The following ADAMTSL1 variants were observed in gnomAD, a reference collection of about 807,000 sequenced individuals.
The protein encoded by ADAMTSL1 is ADAMTS-like protein 1.
Under a neutral mutation model 201.8 loss-of-function variants are expected in ADAMTSL1, and 126 were observed. The ratio of observed to expected loss-of-function variants is 0.62; its 90% CI spans 0.54 to 0.72. The LOEUF (loss-of-function observed/expected upper bound fraction) is 0.72. ADAMTSL1 is among the 30% of genes least tolerant of loss of function. ADAMTSL1 has a pLI of 0.00. For missense variants in ADAMTSL1, 2,679 were observed against 2,277.8 expected (o/e 1.18, Z -3.59); for synonymous variants, 1,121 against 903.4 (o/e 1.24, Z -4.32).
chr9:18,400,267 A>G (rs1817936087), intron 2 of ADAMTSL1, among the ~76,000 whole-genome samples: 1 of 151,998 alleles, frequency 6.6e-6, no homozygotes, highest in African/African-American at 2.4e-5. Flanking sequence ...TACTCTGATC[A>G]CCCTATCATA....
intron 4 of ADAMTSL1, among the ~76,000 whole-genome samples, chr9:18,596,366 T>C (rs1161921960): frequency 6.6e-6 from 1 of 152,200 alleles, no homozygotes. Flanking sequence ...CTTCTGATCT[T>C]ACTATCTGTG....
At chr9:18,365,555 G>T (rs1836729598) in intron 2 of ADAMTSL1, among the ~76,000 whole-genome samples, 1 of 152,104 alleles carries the variant, frequency 6.6e-6, no homozygotes, top group African/African-American at 2.4e-5. Context: ...TGGATATATG[G>T]CAATTCCACA....
intron 1 of ADAMTSL1, among the ~76,000 whole-genome samples, chr9:18,061,211 A>G (rs1463497879): frequency 6.6e-6 from 1 of 152,250 alleles, no homozygotes; most frequent in Non-Finnish European, 1.5e-5. Flanking sequence ...TTTGTGTAAC[A>G]TTAGACAGGT....
Position 18,360,722 on chromosome 9 carries a change from A to G in ADAMTSL1, c.208-144107A>G, listed in dbSNP as rs187440588. The stretch of plus-strand genomic sequence containing the variant: ...TATTGAGAAACACTGCACTTAATGA[A>G]TATGTTTTTGAAATTTTAACATCTA... On this transcript the variant is annotated intron_variant, in intron 2 of 29. Transcript: ENST00000680146. The G allele has an allele frequency of 2.0e-5, 3 of 152,274 alleles. No homozygotes were observed. The East Asian group carries it at 5.8e-4, about 29-fold the overall frequency. The allele number at this position is 152,274 out of a possible 1,614,324, so 9.4% of individuals were successfully genotyped here. A position where few individuals can be genotyped will look rare whatever the true frequency, so the allele number is the denominator to read the frequency against.
At chr9:18,794,642 G>GT (rs200452714) in intron 19 of ADAMTSL1, among the ~76,000 whole-genome samples, 2 of 148,124 alleles carry the variant, frequency 1.4e-5, no homozygotes, top group Middle Eastern at 3.5e-3. Context: ...TTTTGTTGTT[G>GT]TTGTTTTTTG....
chr9:18,302,925 T>C (rs1421183044), intron 2 of ADAMTSL1, among the ~76,000 whole-genome samples: 2 of 152,222 alleles, frequency 1.3e-5, no homozygotes, highest in Non-Finnish European at 2.9e-5. Flanking sequence ...AGATGTAAGC[T>C]AATGAGATAT....
At chr9:18,539,470 A>G (rs1055387165) in intron 3 of ADAMTSL1, among the ~76,000 whole-genome samples, 1 of 152,198 alleles carries the variant, frequency 6.6e-6, no homozygotes, top group African/African-American at 2.4e-5. Flanking sequence ...TGCCTCTTGC[A>G]CTGTGAACCT....
intron 15 of ADAMTSL1, among the ~76,000 whole-genome samples, chr9:18,725,275 C>T (rs1028410467): frequency 1.3e-5 from 2 of 152,232 alleles, no homozygotes; most frequent in African/African-American, 4.8e-5. Context: ...CAAGGACAAG[C>T]TTTAATAGAA....
chr9:17,929,315 C>G (rs911956256), intron 1 of ADAMTSL1, among the ~76,000 whole-genome samples: 2 of 152,128 alleles, frequency 1.3e-5, no homozygotes, highest in Non-Finnish European at 2.9e-5. Flanking sequence ...TTATCCTAAT[C>G]CACTCCCCCA....
At chr9:18,875,737 G>C (rs139894569) in intron 23 of ADAMTSL1, among the ~76,000 whole-genome samples, 254 of 152,234 alleles carry the variant, frequency 1.7e-3, no homozygotes, top group African/African-American at 5.8e-3. Context: ...TTGTTGGGTA[G>C]AATATTCTAC....
intron 2 of ADAMTSL1, among the ~76,000 whole-genome samples, chr9:18,301,188 C>G (rs1165171024): frequency 1.3e-5 from 2 of 152,042 alleles, no homozygotes; most frequent in Non-Finnish European, 2.9e-5. Flanking sequence ...AAAAGTATGA[C>G]ACACATTCAT....
At chr9:18,318,954 A>C (rs533844219) in intron 2 of ADAMTSL1, among the ~76,000 whole-genome samples, 8 of 152,338 alleles carry the variant, frequency 5.3e-5, no homozygotes, top group Admixed American at 1.3e-4. Flanking sequence ...CATGCCTGTA[A>C]TCCTAACACT....
At chr9:18,232,425 C>T (rs370555159) in intron 2 of ADAMTSL1, among the ~76,000 whole-genome samples, 27 of 152,120 alleles carry the variant, frequency 1.8e-4, no homozygotes, top group African/African-American at 5.8e-4. Context: ...TTCTCCTTTC[C>T]TTGCTTTATG....
At chr9:18,555,173 A>G (rs1338741361) in intron 3 of ADAMTSL1, among the ~76,000 whole-genome samples, 3 of 151,766 alleles carry the variant, frequency 2.0e-5, no homozygotes, top group Admixed American at 2.0e-4. Context: ...TTACGAGCAG[A>G]TATTCATCTT....
intron 7 of ADAMTSL1, among the ~76,000 whole-genome samples, chr9:18,657,183 GTTAT>G: frequency 6.6e-6 from 1 of 152,286 alleles, no homozygotes; most frequent in East Asian, 1.9e-4. Context: ...AATGGGAAGT[GTTAT>G]TTAATTCTTC....
chr9:18,363,719 G>A (rs1836631257), intron 2 of ADAMTSL1, among the ~76,000 whole-genome samples: 1 of 152,132 alleles, frequency 6.6e-6, no homozygotes. Flanking sequence ...TAATGCTTGA[G>A]GAAGGGGAAA....
intron 23 of ADAMTSL1, among the ~76,000 whole-genome samples, chr9:18,882,492 A>AT: frequency 6.6e-6 from 1 of 152,256 alleles, no homozygotes; most frequent in East Asian, 1.9e-4. Flanking sequence ...TGGAACGAGC[A>AT]TTTTACTCCA....
chr9:18,237,756 T>C (rs1216361052), intron 2 of ADAMTSL1, among the ~76,000 whole-genome samples: 2 of 152,258 alleles, frequency 1.3e-5, no homozygotes, highest in East Asian at 3.8e-4. Context: ...TCCCATCCCA[T>C]TTTACATAAT....
At chr9:18,474,724 T>C (rs1365050422) in intron 1 of ADAMTSL1, among the ~76,000 whole-genome samples, 7 of 152,170 alleles carry the variant, frequency 4.6e-5, no homozygotes, top group African/African-American at 2.4e-5. Context: ...AATGAATTAC[T>C]TTCCATCTAT....
Sources: allele counts gnomAD v4.1 joint callset (sites outside exome capture counted in the v4.1 genomes callset), GRCh38; gene constraint gnomAD v4.1.1; transcripts MANE v1.5; gene names NCBI Gene and HGNC (gene_info 2026-07-23, HGNC 2026-07-21).